NBEA: variants seen among roughly 807,000 people sequenced by gnomAD.
The protein encoded by NBEA is lysosomal-trafficking regulator 2.
Under a neutral mutation model 343.4 loss-of-function variants are expected in NBEA, and 44 were observed. The observed-to-expected ratio is 0.13, with a 90% CI of 0.10 to 0.16. The LOEUF (loss-of-function observed/expected upper bound fraction) is 0.16. Among genes scored for constraint, NBEA ranks in the 10% least tolerant of loss-of-function variants. The pLI, the probability that NBEA is intolerant of heterozygous loss-of-function variation, is 1.00. For synonymous variants in NBEA, 1,175 were observed against 1,238.7 expected, an observed-to-expected ratio of 0.95 and a Z score of 1.08; for missense variants, 2,555 against 3,631.3, an observed-to-expected ratio of 0.70 and a Z score of 7.62.
intron 34 of NBEA, among the ~76,000 whole-genome samples, chr13:35,280,027 A>G (rs941058625): frequency 1.3e-5 from 2 of 152,158 alleles, no homozygotes; most frequent in African/African-American, 4.8e-5. Context: ...ATTATTTGAA[A>G]TTTATTTTAG....
intron 49 of NBEA, among the ~76,000 whole-genome samples, chr13:35,645,369 A>G (rs2084176466): frequency 6.6e-6 from 1 of 152,238 alleles, no homozygotes; most frequent in African/African-American, 2.4e-5. Flanking sequence ...TTGTTAGTCT[A>G]GCTTAATATA....
intron 13 of NBEA, among the ~76,000 whole-genome samples, chr13:35,111,302 T>G (rs2066193981): frequency 6.6e-6 from 1 of 152,154 alleles, no homozygotes; most frequent in Admixed American, 6.5e-5. Flanking sequence ...GTACATCAGT[T>G]GCTTTCAACA....
At chr13:34,968,288 C>T (rs921871760) in intron 1 of NBEA, among the ~76,000 whole-genome samples, 7 of 152,076 alleles carry the variant, frequency 4.6e-5, no homozygotes, top group Non-Finnish European at 7.4e-5. Context: ...AATTATGTGG[C>T]CTGATTTATG....
chr13:35,370,346 A>G (rs1006628933), intron 38 of NBEA, among the ~76,000 whole-genome samples: 5 of 151,954 alleles, frequency 3.3e-5, no homozygotes, highest in Non-Finnish European at 7.4e-5. Flanking sequence ...TGATATAAGT[A>G]TGGCTACTCC....
At chr13:35,081,910 A>G (rs1337904402) in intron 10 of NBEA, among the ~76,000 whole-genome samples, 1 of 151,944 alleles carries the variant, frequency 6.6e-6, no homozygotes, top group Non-Finnish European at 1.5e-5. Flanking sequence ...TATCATTTCC[A>G]TTTTGGTAAC....
intron 10 of NBEA, among the ~76,000 whole-genome samples, chr13:35,080,896 T>C (rs74051244): frequency 0.037 from 5,621 of 152,160 alleles, 163 homozygotes; most frequent in African/African-American, 0.077. Context: ...ATCTTATGTA[T>C]AGTGAATAGG....
intron 41 of NBEA, among the ~76,000 whole-genome samples, chr13:35,485,765 T>C (rs1419149951): frequency 1.3e-5 from 2 of 152,066 alleles, no homozygotes; most frequent in Non-Finnish European, 2.9e-5. Flanking sequence ...TTAAAACTCA[T>C]GTCAGAATGA....
chr13:35,429,926 A>T (rs1344973778), intron 38 of NBEA, among the ~76,000 whole-genome samples: 3 of 152,094 alleles, frequency 2.0e-5, no homozygotes, highest in South Asian at 4.2e-4. Context: ...ATAAACATGC[A>T]TGTGCAAGTT....
intron 27 of NBEA, among the ~76,000 whole-genome samples, chr13:35,176,423 A>T (rs1169797324): frequency 6.6e-6 from 1 of 152,096 alleles, no homozygotes; most frequent in African/African-American, 2.4e-5. Context: ...TTCACTTAGT[A>T]GTCTACTATG....
chr13:35,250,543 G>T (rs2031833191), intron 34 of NBEA, among the ~76,000 whole-genome samples: 1 of 152,244 alleles, frequency 6.6e-6, no homozygotes, highest in East Asian at 1.9e-4. Context: ...ATTAGGAAAG[G>T]TGTAGAGTTT....
At chr13:35,370,453 G>A (rs1031829672) in intron 38 of NBEA, among the ~76,000 whole-genome samples, 2 of 151,910 alleles carry the variant, frequency 1.3e-5, no homozygotes, top group Admixed American at 1.3e-4. Flanking sequence ...ATTCCTGTAA[G>A]CAGCATATAG....
chr13:35,098,202 A>G (rs1006465983), intron 10 of NBEA, 95 bp from the exon 11 acceptor site: 3 of 774,788 alleles, frequency 3.9e-6, no homozygotes, highest in African/African-American at 1.7e-5. Flanking sequence ...AGATTTGAAT[A>G]TGGTTATCTT....
chr13:35,429,302 GT>G (rs2044930403), intron 38 of NBEA, among the ~76,000 whole-genome samples: 1 of 152,134 alleles, frequency 6.6e-6, no homozygotes. Flanking sequence ...ACATGTCTGG[GT>G]TTCACACCCA....
intron 41 of NBEA, among the ~76,000 whole-genome samples, chr13:35,479,864 A>G (rs2076050435): frequency 6.6e-6 from 1 of 152,128 alleles, no homozygotes; most frequent in Admixed American, 6.5e-5. Context: ...GACATCTTTG[A>G]CATGAGCTAA....
chr13:35,123,292 G>T (rs1247397165), intron 16 of NBEA, among the ~76,000 whole-genome samples, 190 bp from the exon 17 acceptor site: 2 of 152,110 alleles, frequency 1.3e-5, no homozygotes, highest in African/African-American at 4.8e-5. Flanking sequence ...TGAGTGTATG[G>T]CTGAAGGACT....
intron 11 of NBEA, among the ~76,000 whole-genome samples, chr13:35,098,611 C>A (rs1160430006): frequency 6.6e-6 from 1 of 152,002 alleles, no homozygotes; most frequent in Non-Finnish European, 1.5e-5. Context: ...ATAAAAAAAT[C>A]TAAATAAAAA....
intron 38 of NBEA, among the ~76,000 whole-genome samples, chr13:35,418,512 C>G (rs760801886): frequency 4.0e-5 from 6 of 151,864 alleles, no homozygotes; most frequent in Non-Finnish European, 5.9e-5. Context: ...TGTTTTACCA[C>G]AAGAATATAT....
intron 41 of NBEA, chr13:35,475,000 T>G (rs567567486): frequency 5.8e-6 from 9 of 1,544,850 alleles, no homozygotes; most frequent in Non-Finnish European, 7.0e-6. Context: ...GAACAGAAGT[T>G]TACACTTAAT....
intron 45 of NBEA, among the ~76,000 whole-genome samples, chr13:35,577,729 T>C (rs1466967628): frequency 6.6e-6 from 1 of 152,036 alleles, no homozygotes; most frequent in Non-Finnish European, 1.5e-5. Context: ...GTACTGTAGG[T>C]GTGAGAATAA....
Sources: gnomAD v4.1 joint callset for allele counts (sites outside exome capture counted in the v4.1 genomes callset) on GRCh38, gnomAD v4.1.1 for gene constraint, MANE v1.5 for transcripts, NCBI Gene and HGNC (gene_info 2026-07-23, HGNC 2026-07-21) for gene names.